UST: variants seen among roughly 807,000 people sequenced by gnomAD.
The protein encoded by UST is uronyl 2-sulfotransferase.
UST carries 21 observed loss-of-function variants against 45.6 expected under a neutral mutation model. The observed-to-expected ratio is 0.46, with a 90% CI of 0.33 to 0.66. UST has a LOEUF of 0.66. UST is among the 30% of genes least tolerant of loss of function. UST has a pLI of 0.02. For synonymous variants in UST, 215 were observed against 200.6 expected, an observed-to-expected ratio of 1.07 and a Z score of -0.61; for missense variants, 463 against 512.4, an observed-to-expected ratio of 0.90 and a Z score of 0.93.
chr6:148,787,320 G>A (rs1347658295), intron 1 of UST, among the ~76,000 whole-genome samples: 3 of 152,016 alleles, frequency 2.0e-5, no homozygotes, highest in African/African-American at 7.2e-5. Flanking sequence ...TTATAGTTTT[G>A]GGTTTTACAT....
chr6:149,048,468 A>C (rs1355145020), intron 7 of UST, among the ~76,000 whole-genome samples: 1 of 151,766 alleles, frequency 6.6e-6, no homozygotes, highest in Admixed American at 6.6e-5. Flanking sequence ...CCTGGGGGGC[A>C]GAGGTTGTAG....
Position 148,910,844 on chromosome 6 carries a change from A to G in UST, c.291+23815A>G, listed in dbSNP as rs536964992. Among the ~76,000 whole-genome samples the G allele has an allele frequency of 2.6e-5, 4 of 152,300 alleles. No homozygotes were observed. In the East Asian group the frequency reaches 5.8e-4, roughly 22 times the overall value. On this transcript the variant is annotated intron_variant, in intron 2 of 7. Transcript: ENST00000367463. ...CTGCCCATTTCCACTGATGATAGAAAGGTGTCTGTTTCTAATCGTTTAGTC... is the reference window on the plus strand; with the variant it reads ...CTGCCCATTTCCACTGATGATAGAAGGGTGTCTGTTTCTAATCGTTTAGTC...
chr6:148,762,593 A>G (rs1005011539), intron 1 of UST, among the ~76,000 whole-genome samples: 1 of 149,272 alleles, frequency 6.7e-6, no homozygotes, highest in African/African-American at 2.5e-5. Context: ...TTACATGGGT[A>G]TATTGCATAA....
chr6:149,039,617 T>C (rs2115030336), intron 7 of UST, among the ~76,000 whole-genome samples: 1 of 152,364 alleles, frequency 6.6e-6, no homozygotes, highest in Non-Finnish European at 1.5e-5. Context: ...GTCTCATAGC[T>C]GGTGCAAGGC....
intron 5 of UST, among the ~76,000 whole-genome samples, chr6:149,017,015 A>G (rs1775907513): frequency 6.6e-6 from 1 of 152,250 alleles, no homozygotes; most frequent in Non-Finnish European, 1.5e-5. Flanking sequence ...GGCAAAGCAC[A>G]GGCACCCGCC....
intron 7 of UST, among the ~76,000 whole-genome samples, chr6:149,045,220 G>A (rs765709116): frequency 7.9e-5 from 12 of 152,168 alleles, no homozygotes; most frequent in Non-Finnish European, 1.3e-4. Flanking sequence ...TCAGAAACCC[G>A]TGCATTTGAA....
At chr6:148,828,154 T>A (rs1484846425) in intron 1 of UST, among the ~76,000 whole-genome samples, 1 of 152,078 alleles carries the variant, frequency 6.6e-6, no homozygotes, top group African/African-American at 2.4e-5. Flanking sequence ...TGTCAGGATA[T>A]ATGACGTCTG....
At chr6:149,049,931 T>TCACACA (rs59151398) in intron 7 of UST, among the ~76,000 whole-genome samples, 4,249 of 134,476 alleles carry the variant, frequency 0.032, 96 homozygotes, top group Middle Eastern at 0.048. Flanking sequence ...TCTCTCTCTC[T>TCACACA]CACACACACA....
At chr6:148,931,252 CAG>C (rs1779917209) in intron 2 of UST, among the ~76,000 whole-genome samples, 2 of 152,178 alleles carry the variant, frequency 1.3e-5, no homozygotes, top group South Asian at 4.1e-4. Context: ...AGGTTGGACT[CAG>C]AGTATAAATT....
chr6:149,008,212 A>G (rs1390647956), intron 5 of UST, among the ~76,000 whole-genome samples: 3 of 152,226 alleles, frequency 2.0e-5, no homozygotes, highest in Non-Finnish European at 2.9e-5. Flanking sequence ...ATATTTGTAG[A>G]CATTTTAACA....
chr6:148,912,905 T>C (rs1779504251), intron 2 of UST, among the ~76,000 whole-genome samples: 1 of 152,210 alleles, frequency 6.6e-6, no homozygotes, highest in Non-Finnish European at 1.5e-5. Flanking sequence ...GAAGGATCAG[T>C]TATCAGTGGT....
At chr6:149,038,903 G>A (rs1776273097) in intron 7 of UST, among the ~76,000 whole-genome samples, 1 of 152,138 alleles carries the variant, frequency 6.6e-6, no homozygotes, top group Non-Finnish European at 1.5e-5. Context: ...TGGAGTTTTA[G>A]TTTGAAGAAT....
chr6:149,028,736 G>C (rs533625490), intron 7 of UST, among the ~76,000 whole-genome samples: 2 of 152,272 alleles, frequency 1.3e-5, no homozygotes, highest in East Asian at 3.9e-4. Context: ...AGTTAATGAG[G>C]TTTTTATGCC....
intron 7 of UST, among the ~76,000 whole-genome samples, chr6:149,053,641 A>T (rs188845966): frequency 3.9e-4 from 60 of 152,346 alleles, no homozygotes; most frequent in African/African-American, 1.3e-3. Flanking sequence ...TATCTGTCTG[A>T]TCAGGAGGTG....
At chr6:148,983,474 A>G (rs1781177907) in intron 5 of UST, among the ~76,000 whole-genome samples, 1 of 152,186 alleles carries the variant, frequency 6.6e-6, no homozygotes. Flanking sequence ...TCATACCTCA[A>G]TTAGTCATAA....
intron 1 of UST, among the ~76,000 whole-genome samples, chr6:148,789,989 CTTTT>C (rs56987468): frequency 1.0e-3 from 128 of 127,042 alleles, no homozygotes; most frequent in African/African-American, 3.6e-3. Context: ...TTTCAGGATT[CTTTT>C]TTTTTTTTTT....
At chr6:148,890,533 A>G (rs1204356426) in intron 2 of UST, among the ~76,000 whole-genome samples, 2 of 152,208 alleles carry the variant, frequency 1.3e-5, no homozygotes, top group African/African-American at 4.8e-5. Context: ...AGATTTTTAA[A>G]CCCTGAAAAT....
chr6:148,805,161 C>T (rs575282913), intron 1 of UST, among the ~76,000 whole-genome samples: 2 of 152,126 alleles, frequency 1.3e-5, no homozygotes, highest in Admixed American at 6.6e-5. Flanking sequence ...CATTTTTCTT[C>T]CCATATAGTT....
At chr6:149,005,864 G>T (rs1045866203) in intron 5 of UST, among the ~76,000 whole-genome samples, 16 of 152,310 alleles carry the variant, frequency 1.1e-4, no homozygotes, top group Non-Finnish European at 1.8e-4. Flanking sequence ...CTGGGGAAAG[G>T]CAGTAATGAC....
Sources: gnomAD v4.1 joint callset for allele counts (sites outside exome capture counted in the v4.1 genomes callset) on GRCh38, gnomAD v4.1.1 for gene constraint, MANE v1.5 for transcripts, NCBI Gene and HGNC (gene_info 2026-07-23, HGNC 2026-07-21) for gene names.